The following KCNU1 variants were observed in gnomAD, a reference collection of about 807,000 sequenced individuals.
KCNU1 encodes potassium calcium-activated channel subfamily U member 1.
KCNU1 carries 93 observed loss-of-function variants against 126.8 expected under a neutral mutation model. The ratio of observed to expected loss-of-function variants is 0.73; its 90% confidence interval spans 0.62 to 0.87. The LOEUF is 0.87. Ranked by LOEUF, KCNU1 falls within the 40% of genes least tolerant of loss-of-function variation. The pLI, the probability that KCNU1 is intolerant of heterozygous loss-of-function variation, is 0.00. For synonymous variants in KCNU1, 523 were observed against 494.2 expected, an observed-to-expected ratio of 1.06 and a Z score of -0.77; for missense variants, 1,330 against 1,367.1, an observed-to-expected ratio of 0.97 and a Z score of 0.43.
intron 23 of KCNU1, among the ~76,000 whole-genome samples, chr8:36,919,700 A>G (rs1430061757): frequency 2.0e-5 from 3 of 152,182 alleles, no homozygotes; most frequent in Non-Finnish European, 4.4e-5. Context: ...CGCAGATTGA[A>G]CCAATTCAGA....
intron 20 of KCNU1, among the ~76,000 whole-genome samples, chr8:36,908,986 T>C (rs1316766897): frequency 6.6e-6 from 1 of 152,110 alleles, no homozygotes; most frequent in Non-Finnish European, 1.5e-5. Flanking sequence ...GAAATAAAAA[T>C]CAAGAAATAC....
At chr8:36,868,916 C>A (rs2117355697) in intron 19 of KCNU1, among the ~76,000 whole-genome samples, 1 of 152,212 alleles carries the variant, frequency 6.6e-6, no homozygotes, top group Non-Finnish European at 1.5e-5. Flanking sequence ...GAATCTCATT[C>A]ATTTCTGGAG....
chr8:36,863,771 C>T (rs1563302439), intron 18 of KCNU1, among the ~76,000 whole-genome samples: 1 of 152,038 alleles, frequency 6.6e-6, no homozygotes, highest in Non-Finnish European at 1.5e-5. Flanking sequence ...TCATGGTGCT[C>T]ATTGAATCTA....
chr8:36,907,721 C>A (rs1807687770), intron 20 of KCNU1, among the ~76,000 whole-genome samples: 1 of 152,102 alleles, frequency 6.6e-6, no homozygotes, highest in African/African-American at 2.4e-5. Context: ...TAGAAGATTG[C>A]CATTTAACCC....
intron 18 of KCNU1, among the ~76,000 whole-genome samples, chr8:36,846,727 G>T (rs1805161669): frequency 6.6e-6 from 1 of 150,704 alleles, no homozygotes; most frequent in Non-Finnish European, 1.5e-5. Context: ...CTTGAACCTG[G>T]GAGGCGGAGG....
chr8:36,917,354 C>CT (rs35473262), intron 22 of KCNU1, among the ~76,000 whole-genome samples: 27,806 of 143,612 alleles, frequency 0.19, 2,802 homozygotes, highest in Middle Eastern at 0.33. Context: ...CCACCAACTT[C>CT]TTTTTTTTTT....
intron 18 of KCNU1, among the ~76,000 whole-genome samples, chr8:36,856,263 C>G (rs1805524617): frequency 6.6e-6 from 1 of 152,130 alleles, no homozygotes; most frequent in Non-Finnish European, 1.5e-5. Context: ...CTGACATGGA[C>G]TCTTGCACAG....
chr8:36,815,563 G>A lies in KCNU1; in HGVS notation c.904-33G>A, dbSNP rs79078137. 5.8e-4 allele frequency: 663 copies of A among 1,149,336 alleles called. 6 individuals carry two copies. The African/African-American group carries it at 9.1e-3, about 16-fold the overall frequency. 71.2% of individuals were successfully genotyped at this position (1,149,336 alleles called of 1,614,324 possible). On this transcript the variant is annotated intron_variant, in intron 8 of 26. Coordinates refer to ENST00000399881, the MANE Select transcript of KCNU1 (RefSeq NM_001031836.3). ...TTTGGAGTATCCATCAAAATAATGAGAACTAAGGTTTTATTTTGCTGATCA... is the reference window on the plus strand; with the variant it reads ...TTTGGAGTATCCATCAAAATAATGAAAACTAAGGTTTTATTTTGCTGATCA...
intron 19 of KCNU1, among the ~76,000 whole-genome samples, chr8:36,883,513 A>G (rs2117407044): frequency 6.6e-6 from 1 of 152,168 alleles, no homozygotes; most frequent in East Asian, 1.9e-4. Flanking sequence ...GCTTGGCAAC[A>G]TGGTTCATGC....
At chr8:36,856,642 T>C (rs2117309457) in intron 18 of KCNU1, among the ~76,000 whole-genome samples, 1 of 152,308 alleles carries the variant, frequency 6.6e-6, no homozygotes, top group African/African-American at 2.4e-5. Context: ...TCTCCGCTTC[T>C]GTTAGTATCA....
intron 23 of KCNU1, among the ~76,000 whole-genome samples, chr8:36,922,142 G>C (rs567685629): frequency 1.3e-5 from 2 of 152,250 alleles, no homozygotes; most frequent in East Asian, 3.9e-4. Flanking sequence ...TATGATTCCA[G>C]GGCAATTTTC....
At chr8:36,836,408 A>C in intron 13 of KCNU1, 43 bp downstream of exon 13, 1 of 1,310,752 alleles carries the variant, frequency 7.6e-7, no homozygotes, top group African/African-American at 1.5e-5. Flanking sequence ...CCTTTTATCT[A>C]TATAGCTAGA....
At chr8:36,805,389 C>A (rs1803460682) in intron 4 of KCNU1, 104 bp downstream of exon 4, 1 of 690,188 alleles carries the variant, frequency 1.4e-6, no homozygotes, top group Non-Finnish European at 2.6e-6. Flanking sequence ...GTTTTCAACT[C>A]TAAAGATAGC....
At chr8:36,792,569 G>A (rs555820532) in intron 2 of KCNU1, among the ~76,000 whole-genome samples, 4 of 152,226 alleles carry the variant, frequency 2.6e-5, no homozygotes, top group South Asian at 2.1e-4. Context: ...CCACATGCTC[G>A]TTTTCCTTTC....
chr8:36,865,947 C>T (rs1016891574), intron 19 of KCNU1, among the ~76,000 whole-genome samples: 7 of 151,894 alleles, frequency 4.6e-5, no homozygotes, highest in African/African-American at 7.3e-5. Flanking sequence ...AAATACTGCA[C>T]GATATCGCTT....
intron 10 of KCNU1, among the ~76,000 whole-genome samples, chr8:36,818,507 A>T (rs1804003793): frequency 6.6e-6 from 1 of 151,386 alleles, no homozygotes; most frequent in African/African-American, 2.4e-5. Context: ...TCGTGCTTTT[A>T]TTTTCATACA....
intron 14 of KCNU1, among the ~76,000 whole-genome samples, chr8:36,838,487 T>G (rs2130566974): frequency 6.6e-6 from 1 of 152,272 alleles, no homozygotes; most frequent in Non-Finnish European, 1.5e-5. Context: ...GCTCAGGAGT[T>G]TGAGACCAAC....
At chr8:36,830,242 C>G (rs973296924) in intron 10 of KCNU1, among the ~76,000 whole-genome samples, 3 of 151,304 alleles carry the variant, frequency 2.0e-5, no homozygotes, top group African/African-American at 4.8e-5. Flanking sequence ...GCTGAGACAT[C>G]AAATATAACG....
chr8:36,814,002 C>T (rs1251031061), intron 7 of KCNU1, among the ~76,000 whole-genome samples: 3 of 152,072 alleles, frequency 2.0e-5, no homozygotes, highest in Non-Finnish European at 2.9e-5. Flanking sequence ...GCAATGATCA[C>T]GATTAAGGAA....
Sources: allele counts gnomAD v4.1 joint callset (sites outside exome capture counted in the v4.1 genomes callset), GRCh38; gene constraint gnomAD v4.1.1; transcripts MANE v1.5; gene names NCBI Gene and HGNC (gene_info 2026-07-23, HGNC 2026-07-21).